The following ZNF679 variants were observed in gnomAD, a reference collection of about 807,000 sequenced individuals.
The protein encoded by ZNF679 is hypothetical protein MGC42415.
ZNF679 carries 10 observed loss-of-function variants against 13.4 expected under a neutral mutation model. The observed-to-expected ratio is 0.75, with a 90% CI of 0.46 to 1.27. The LOEUF (loss-of-function observed/expected upper bound fraction) is 1.27, where lower values mean the gene tolerates loss of function less well. ZNF679 is among the 50% of genes most tolerant of loss of function. ZNF679 has a pLI of 0.00. For missense variants in ZNF679, 525 were observed against 477.8 expected, an observed-to-expected ratio of 1.10 and a Z score of -0.92; for synonymous variants, 179 against 162.5, an observed-to-expected ratio of 1.10 and a Z score of -0.77.
chr7:64,233,806 TC>T (rs1429525548), intron 1 of ZNF679, among the ~76,000 whole-genome samples: 1 of 152,096 alleles, frequency 6.6e-6, no homozygotes, highest in East Asian at 1.9e-4. Flanking sequence ...AGCCAAATCA[TC>T]AGAAGTGCAA....
At chr7:64,229,636 A>T (rs909041709) in intron 1 of ZNF679, among the ~76,000 whole-genome samples, 1 of 152,168 alleles carries the variant, frequency 6.6e-6, no homozygotes, top group Admixed American at 6.5e-5. Context: ...CATGGACTTT[A>T]TAAAATATTT....
intron 2 of ZNF679, among the ~76,000 whole-genome samples, chr7:64,252,934 T>G (rs1787961149): frequency 6.6e-6 from 1 of 152,180 alleles, no homozygotes; most frequent in South Asian, 2.1e-4. Context: ...GCCAGGCTGG[T>G]CTCGAACTCC....
At chr7:64,229,016 T>A (rs984056277) in intron 1 of ZNF679, among the ~76,000 whole-genome samples, 1 of 152,320 alleles carries the variant, frequency 6.6e-6, no homozygotes, top group East Asian at 1.9e-4. Context: ...ACAACATGCT[T>A]GAGAGTGGAA....
intron 2 of ZNF679, among the ~76,000 whole-genome samples, chr7:64,257,869 A>G (rs559239084): frequency 1.4e-4 from 21 of 152,338 alleles, no homozygotes; most frequent in African/African-American, 5.0e-4. Flanking sequence ...CAGCATTTAC[A>G]GGGGACTTGT....
At chr7:64,234,406 C>T (rs371358740) in intron 1 of ZNF679, among the ~76,000 whole-genome samples, 29 of 152,216 alleles carry the variant, frequency 1.9e-4, no homozygotes, top group African/African-American at 6.5e-4. Context: ...GCTGGAGATG[C>T]GATGCACTTT....
At chr7:64,245,106 A>G (rs1440352622) in intron 1 of ZNF679, among the ~76,000 whole-genome samples, 1 of 152,046 alleles carries the variant, frequency 6.6e-6, no homozygotes, top group African/African-American at 2.4e-5. Flanking sequence ...GCTTACTGCA[A>G]CCTCTGCTTC....
intron 2 of ZNF679, among the ~76,000 whole-genome samples, chr7:64,250,164 AT>A (rs1005488365): frequency 2.0e-5 from 3 of 146,830 alleles, no homozygotes; most frequent in African/African-American, 5.0e-5. Context: ...TTTGAGTTAG[AT>A]TTTTTTTTTA....
intron 2 of ZNF679, among the ~76,000 whole-genome samples, chr7:64,250,879 G>T (rs184273437): frequency 6.6e-6 from 1 of 152,136 alleles, no homozygotes; most frequent in African/African-American, 2.4e-5. Flanking sequence ...GAGCCACCAC[G>T]CCAGGCCTCA....
chr7:64,256,951 C>T (rs1788012826), intron 2 of ZNF679, among the ~76,000 whole-genome samples: 1 of 152,232 alleles, frequency 6.6e-6, no homozygotes, highest in East Asian at 1.9e-4. Context: ...CCGTCTTGGC[C>T]TCCCAAAGTG....
At chr7:64,238,174 G>A (rs1360939953) in intron 1 of ZNF679, among the ~76,000 whole-genome samples, 1 of 152,046 alleles carries the variant, frequency 6.6e-6, no homozygotes, top group African/African-American at 2.4e-5. Context: ...TCCACCTCCA[G>A]TCTGAGCAAA....
intron 1 of ZNF679, among the ~76,000 whole-genome samples, chr7:64,242,747 T>C (rs940830655): frequency 6.7e-6 from 1 of 150,254 alleles, no homozygotes; most frequent in Non-Finnish European, 1.5e-5. Flanking sequence ...ACAATATGCA[T>C]GTGTGTGGTA....
chr7:64,260,783 A>G, intron 3 of ZNF679, 51 bp from the exon 4 acceptor site: 2 of 1,540,382 alleles, frequency 1.3e-6, no homozygotes, highest in Non-Finnish European at 1.8e-6. Flanking sequence ...CTCGTTTGGT[A>G]ATTAAAGAAT....
intron 1 of ZNF679, among the ~76,000 whole-genome samples, chr7:64,235,074 G>A (rs1207273128): frequency 2.6e-5 from 4 of 152,170 alleles, no homozygotes; most frequent in Non-Finnish European, 5.9e-5. Context: ...CTGACCTCAG[G>A]TGATACACCT....
intron 1 of ZNF679, among the ~76,000 whole-genome samples, chr7:64,233,926 C>A (rs1040709691): frequency 6.6e-6 from 1 of 152,004 alleles, no homozygotes. Context: ...AGAGACGGGA[C>A]ACTGGAAAAG....
rs749878692 is a variant in ZNF679 at position 64,266,621 on chromosome 7, G to A, written c.988G>A (p.Gly330Ser). The change falls in exon 5 of 5, where the codon GGC becomes AGC. Residue 330 changes from glycine to serine, a missense_variant. Gly to Ser is a moderately conservative substitution (Grantham distance 56, BLOSUM62 0). Transcript: ENST00000421025. The part of the protein sequence containing the change: ...GEKPYTCEEC[G>S]KAFNCSSTLK... ...GAAACCCTACACATGTGAAGAATGT[G>A]GCAAAGCCTTTAACTGCTCCTCAAC... 1 of 1,610,730 alleles carries A rather than the reference G, an allele frequency of 6.2e-7. No homozygotes were observed. Among genetic ancestry groups the A allele is most frequent in the Non-Finnish European group, 8.5e-7 (1 of 1,177,148 alleles).
chr7:64,231,142 C>T (rs1215109918), intron 1 of ZNF679, among the ~76,000 whole-genome samples: 1 of 152,202 alleles, frequency 6.6e-6, no homozygotes, highest in African/African-American at 2.4e-5. Flanking sequence ...GTTGTAATCT[C>T]TGACCTTACT....
At chr7:64,265,447 T>C (rs1788130531) in intron 4 of ZNF679, among the ~76,000 whole-genome samples, 1 of 152,162 alleles carries the variant, frequency 6.6e-6, no homozygotes, top group Non-Finnish European at 1.5e-5. Flanking sequence ...GACTTAAAGG[T>C]GTCATTTCAA....
chr7:64,265,747 A>G (rs1445618284), intron 4 of ZNF679, 149 bp from the exon 5 acceptor site: 9 of 879,822 alleles, frequency 1.0e-5, no homozygotes, highest in South Asian at 1.9e-5. Context: ...TTTTTGTTAC[A>G]TTTATACACC....
chr7:64,236,068 C>A (rs2116510160), intron 1 of ZNF679, among the ~76,000 whole-genome samples: 1 of 152,046 alleles, frequency 6.6e-6, no homozygotes, highest in African/African-American at 2.4e-5. Context: ...AGTTCAAGAC[C>A]AGCCTGACCA....
Sources: gnomAD v4.1 joint callset for allele counts (sites outside exome capture counted in the v4.1 genomes callset) on GRCh38, gnomAD v4.1.1 for gene constraint, MANE v1.5 for transcripts, NCBI Gene and HGNC (gene_info 2026-07-23, HGNC 2026-07-21) for gene names.